Variants in KALRN observed in about 807,000 individuals in gnomAD.
The protein encoded by KALRN is kalirin RhoGEF kinase.
Under a neutral mutation model 353.7 loss-of-function variants are expected in KALRN, and 70 were observed. That is an observed-to-expected ratio of 0.20 (90% confidence interval 0.16 to 0.24). The LOEUF is 0.24. Among genes scored for constraint, KALRN ranks in the 10% least tolerant of loss-of-function variants. The pLI, the probability that KALRN is intolerant of heterozygous loss-of-function variation, is 1.00. For missense variants in KALRN, 2,791 were observed against 3,756.7 expected (o/e 0.74, Z 6.72); for synonymous variants, 1,391 against 1,434.8 (o/e 0.97, Z 0.69).
chr3:124,177,950 GA>G (rs2073017330), intron 1 of KALRN, among the ~76,000 whole-genome samples: 1 of 152,164 alleles, frequency 6.6e-6, no homozygotes, highest in African/African-American at 2.4e-5. Context: ...AAGTGTTTTA[GA>G]AAGTGTGATC....
At chr3:124,152,885 G>T (rs1248948205) in intron 1 of KALRN, 4 of 190,962 alleles carry the variant, frequency 2.1e-5, no homozygotes, top group African/African-American at 2.4e-5. Flanking sequence ...AAAGTGCTGG[G>T]ATTACAAGTG....
At chr3:124,329,839 T>C (rs2149431584) in intron 7 of KALRN, 22 bp from the exon 8 acceptor site, 1 of 1,609,678 alleles carries the variant, frequency 6.2e-7, no homozygotes. Context: ...CCCCCACTGA[T>C]CCACCCTGCA....
intron 37 of KALRN, among the ~76,000 whole-genome samples, chr3:124,641,858 T>G (rs1433854116): frequency 6.6e-6 from 1 of 152,204 alleles, no homozygotes; most frequent in Non-Finnish European, 1.5e-5. Context: ...CTATACAATT[T>G]GGTTTTATTT....
chr3:124,263,574 C>T (rs1377474355), intron 3 of KALRN, among the ~76,000 whole-genome samples: 4 of 150,960 alleles, frequency 2.6e-5, no homozygotes, highest in East Asian at 1.9e-4. Context: ...GTGCACATAG[C>T]GAGACCCTGA....
chr3:124,377,678 C>T (rs1329530708), intron 10 of KALRN, among the ~76,000 whole-genome samples: 2 of 152,082 alleles, frequency 1.3e-5, no homozygotes, highest in African/African-American at 2.4e-5. Context: ...CTCTATTTCT[C>T]CTTGTGGGTT....
chr3:124,152,584 T>G (rs1258406610), intron 1 of KALRN: 2 of 608,224 alleles, frequency 3.3e-6, no homozygotes, highest in Admixed American at 3.2e-5. Context: ...TTTCTTTCTT[T>G]CTTTCTTTCT....
intron 51 of KALRN, among the ~76,000 whole-genome samples, chr3:124,690,105 A>G (rs370958744): frequency 6.6e-6 from 1 of 152,364 alleles, no homozygotes. Context: ...ACAAATATCA[A>G]CAGAGCACAT....
chr3:124,425,103 A>G (rs1004553665), intron 15 of KALRN, among the ~76,000 whole-genome samples: 10 of 152,020 alleles, frequency 6.6e-5, no homozygotes, highest in African/African-American at 2.4e-4. Flanking sequence ...AGTGTAGAGT[A>G]GTGGCTATAA....
At chr3:124,263,446 G>A (rs961696862) in intron 3 of KALRN, among the ~76,000 whole-genome samples, 9 of 152,148 alleles carry the variant, frequency 5.9e-5, no homozygotes, top group Non-Finnish European at 8.8e-5. Context: ...GCATGGTGGC[G>A]CAAGCCTGTA....
Position 124,661,814 on chromosome 3 carries a change from G to A in KALRN, c.6268-37G>A, listed in dbSNP as rs920549493. Reference sequence around the variant, plus strand: ...ACCAAGAGCTTCCTGCCTGAGTGCTGTTCCCCCTCCTGAGTAACAGTTGTT... The same window carrying A: ...ACCAAGAGCTTCCTGCCTGAGTGCTATTCCCCCTCCTGAGTAACAGTTGTT... On this transcript the variant is annotated intron_variant, in intron 44 of 59. Transcript: ENST00000682506. The A allele has an allele frequency of 5.2e-6, 8 of 1,548,554 alleles. No individual in the cohort carries two copies. The African/African-American group carries it at 9.5e-5, about 18-fold the overall frequency.
chr3:124,116,730 C>T (rs942442535), intron 1 of KALRN, among the ~76,000 whole-genome samples: 1 of 152,070 alleles, frequency 6.6e-6, no homozygotes, highest in African/African-American at 2.4e-5. Flanking sequence ...AAATTAGGAA[C>T]AGTAAGAGAT....
intron 34 of KALRN, among the ~76,000 whole-genome samples, chr3:124,566,318 T>C (rs777270080): frequency 2.0e-5 from 3 of 152,032 alleles, no homozygotes; most frequent in African/African-American, 7.2e-5. Context: ...CTGGGCAACA[T>C]GGCGAAACCC....
chr3:124,564,112 G>A (rs2072439082), intron 34 of KALRN, among the ~76,000 whole-genome samples: 1 of 150,486 alleles, frequency 6.6e-6, no homozygotes, highest in South Asian at 2.1e-4. Context: ...GGCTGAGGCA[G>A]GAGAATGGCG....
intron 6 of KALRN, among the ~76,000 whole-genome samples, chr3:124,318,339 A>T (rs187762492): frequency 1.3e-5 from 2 of 152,198 alleles, no homozygotes; most frequent in Admixed American, 6.5e-5. Context: ...CCTGTGGTTC[A>T]TGGGAGGCAG....
intron 1 of KALRN, among the ~76,000 whole-genome samples, chr3:124,035,081 ACAGGAGCTGGTGC>A (rs1180681686): frequency 6.6e-6 from 1 of 152,120 alleles, no homozygotes; most frequent in African/African-American, 2.4e-5. Context: ...AAACTGGAGG[ACAGGAGCTGGTGC>A]CAGGGTCTGG....
At chr3:124,206,269 C>G (rs1199590323) in intron 1 of KALRN, among the ~76,000 whole-genome samples, 3 of 152,208 alleles carry the variant, frequency 2.0e-5, no homozygotes, top group Admixed American at 2.0e-4. Context: ...GAGTCCTCCA[C>G]TGAACACTTT....
At chr3:124,373,103 T>C (rs10934669) in intron 10 of KALRN, among the ~76,000 whole-genome samples, 57,128 of 150,810 alleles carry the variant, frequency 0.38, 11,873 homozygotes, top group East Asian at 0.74. Context: ...CCCCCTAACC[T>C]CCTCCCCCTG....
At chr3:124,659,544 C>A in intron 43 of KALRN, 87 bp downstream of exon 43, 1 of 860,726 alleles carries the variant, frequency 1.2e-6, no homozygotes, top group Non-Finnish European at 2.0e-6. Context: ...GCTAGCGGTT[C>A]TGTCTCCACC....
intron 51 of KALRN, among the ~76,000 whole-genome samples, chr3:124,686,798 ATTTTTTTTTTTTTTTTT>A (rs10599336): frequency 5.6e-5 from 4 of 70,800 alleles, no homozygotes; most frequent in South Asian, 6.1e-4. Context: ...CACTGGTGAG[ATTTTTTTTTTTTTTTTT>A]TTTTTTTTTT....
Sources: gnomAD v4.1 joint callset for allele counts (sites outside exome capture counted in the v4.1 genomes callset) on GRCh38, gnomAD v4.1.1 for gene constraint, MANE v1.5 for transcripts, NCBI Gene and HGNC (gene_info 2026-07-23, HGNC 2026-07-21) for gene names.